ARHGAP22: variants seen among roughly 807,000 people sequenced by gnomAD.
The protein encoded by ARHGAP22 is rho GTPase-activating protein 22.
ARHGAP22 carries 48 observed loss-of-function variants against 59.1 expected under a neutral mutation model. The ratio of observed to expected loss-of-function variants is 0.81; its 90% confidence interval spans 0.64 to 1.03. The LOEUF is 1.03. Ranked by LOEUF, ARHGAP22 falls within the 50% of genes least tolerant of loss-of-function variation. The probability of loss-of-function intolerance (pLI) is 0.00; values close to 1 mark genes in which losing one functional copy is unlikely to be tolerated. For synonymous variants in ARHGAP22, 445 were observed against 416.4 expected, an observed-to-expected ratio of 1.07 and a Z score of -0.84; for missense variants, 1,015 against 958.7, an observed-to-expected ratio of 1.06 and a Z score of -0.78.
intron 3 of ARHGAP22, among the ~76,000 whole-genome samples, chr10:48,532,305 T>A (rs1309872567): frequency 6.6e-6 from 1 of 152,016 alleles, no homozygotes; most frequent in African/African-American, 2.4e-5. Context: ...GTGGTGAGGG[T>A]CTCATCTGGG....
intron 1 of ARHGAP22, among the ~76,000 whole-genome samples, chr10:48,596,948 C>T (rs907959089): frequency 1.3e-5 from 2 of 152,176 alleles, no homozygotes; most frequent in African/African-American, 4.8e-5. Context: ...TGTGCCACAC[C>T]TCCACCCCTG....
intron 3 of ARHGAP22, among the ~76,000 whole-genome samples, chr10:48,530,847 A>G (rs1266686913): frequency 6.7e-6 from 1 of 149,590 alleles, no homozygotes; most frequent in East Asian, 1.9e-4. Flanking sequence ...CAAAACCACT[A>G]TGGAAAACAG....
chr10:48,539,679 G>T (rs1300098244), intron 3 of ARHGAP22, among the ~76,000 whole-genome samples: 1 of 152,176 alleles, frequency 6.6e-6, no homozygotes, highest in South Asian at 2.1e-4. Flanking sequence ...TAATATTTTA[G>T]CTGAATTTTA....
At chr10:48,630,354 C>T (rs1036738411) in intron 1 of ARHGAP22, among the ~76,000 whole-genome samples, 5 of 152,214 alleles carry the variant, frequency 3.3e-5, no homozygotes, top group East Asian at 1.9e-4. Context: ...CCTCCCAAAG[C>T]GCTGGGATTA....
At chr10:48,538,912 A>G (rs1367982074) in intron 3 of ARHGAP22, among the ~76,000 whole-genome samples, 1 of 152,234 alleles carries the variant, frequency 6.6e-6, no homozygotes, top group Non-Finnish European at 1.5e-5. Flanking sequence ...AAATAAAACT[A>G]AAGCTCATGA....
chr10:48,614,966 T>G (rs2061025090), intron 1 of ARHGAP22, among the ~76,000 whole-genome samples: 1 of 152,226 alleles, frequency 6.6e-6, no homozygotes, highest in Non-Finnish European at 1.5e-5. Flanking sequence ...CAAAAACATT[T>G]AGAGGAAAAT....
intron 2 of ARHGAP22, among the ~76,000 whole-genome samples, chr10:48,582,054 T>C (rs2059151925): frequency 6.6e-6 from 1 of 152,192 alleles, no homozygotes; most frequent in African/African-American, 2.4e-5. Context: ...GAAAGGGACA[T>C]TTTCTCATGC....
chr10:48,464,932 G>A (rs928621885), intron 4 of ARHGAP22, among the ~76,000 whole-genome samples: 8 of 151,972 alleles, frequency 5.3e-5, no homozygotes, highest in Non-Finnish European at 8.8e-5. Flanking sequence ...GAGCTGTGAG[G>A]TCTCATTCCA....
intron 4 of ARHGAP22, among the ~76,000 whole-genome samples, chr10:48,463,088 C>T (rs2047310150): frequency 6.6e-6 from 1 of 152,184 alleles, no homozygotes; most frequent in South Asian, 2.1e-4. Context: ...TCTGGATTCC[C>T]AGCTTCTCTT....
At chr10:48,642,492 A>G (rs1470690090) in intron 1 of ARHGAP22, among the ~76,000 whole-genome samples, 1 of 152,232 alleles carries the variant, frequency 6.6e-6, no homozygotes, top group African/African-American at 2.4e-5. Flanking sequence ...TGGGGAAAGG[A>G]TTCCCTATTT....
rs1343082871 is a variant in ARHGAP22 at position 48,447,240 on chromosome 10, A to G, written c.1869-621T>C. The stretch of plus-strand genomic sequence containing the variant: ...ACGCTTCCATGCAGGCTCATGCTGC[A>G]GTGTGCCAAGGTTGGCATGGCCATC... On this transcript the variant is annotated intron_variant, in intron 9 of 9. Coordinates refer to ENST00000249601, the MANE Select transcript of ARHGAP22 (RefSeq NM_021226.4). Among the ~76,000 whole-genome samples the G allele has an allele frequency of 2.0e-5, 3 of 152,358 alleles. No individual in the cohort carries two copies. The South Asian group carries it at 6.2e-4, about 32-fold the overall frequency.
At chr10:48,545,609 G>A (rs7096053) in intron 3 of ARHGAP22, among the ~76,000 whole-genome samples, 38,866 of 152,130 alleles carry the variant, frequency 0.26, 5,340 homozygotes, top group African/African-American at 0.34. Context: ...CCACTCAGGC[G>A]GCGGCTAATG....
At chr10:48,655,095 T>C (rs373523649), upstream of ARHGAP22, among the ~76,000 whole-genome samples, 35 of 75,744 alleles carry the variant, frequency 4.6e-4, 3 homozygotes, top group African/African-American at 1.6e-3. Context: ...TTCTCTTCTC[T>C]TCTCTTCTCT....
intron 3 of ARHGAP22, among the ~76,000 whole-genome samples, chr10:48,544,657 T>C (rs2056271065): frequency 6.6e-6 from 1 of 152,260 alleles, no homozygotes; most frequent in African/African-American, 2.4e-5. Context: ...TATGTGACTC[T>C]ACTTTTCAAT....
Position 48,451,050 on chromosome 10 carries a change from G to C in ARHGAP22, c.1079C>G (p.Pro360Arg). 6.4e-7 allele frequency: 1 copy of C among 1,552,494 alleles called. No homozygotes were observed. Among genetic ancestry groups the C allele is most frequent in the Non-Finnish European group, 8.7e-7 (1 of 1,148,002 alleles). Residue 360 changes from proline (P) to arginine (R), a missense_variant, in exon 9 of 10, where the codon CCG becomes CGG. Pro to Arg is a moderately radical substitution (Grantham distance 103, BLOSUM62 -2). Coordinates refer to ENST00000249601, the MANE Select transcript of ARHGAP22 (RefSeq NM_021226.4). ...TAPVPEGPTS[P>R]RGGLQCAVGW... ...CACTGCGCATTGCAGGCCCCCGCGC[G>C]GGGAGGTGGGCCCTTCCGGGACCGG...
chr10:48,517,549 T>A (rs189289752), intron 3 of ARHGAP22, among the ~76,000 whole-genome samples: 90 of 152,246 alleles, frequency 5.9e-4, no homozygotes, highest in Non-Finnish European at 1.1e-3. Context: ...CCTCTGAAGC[T>A]CTCTAGGAGA....
chr10:48,450,808 T>C lies in ARHGAP22; in HGVS notation c.1321A>G (p.Ser441Gly). Residue 441 changes from serine (S) to glycine (G), a missense_variant, in exon 9 of 10, where the codon AGC becomes GGC. Physicochemically the swap from Ser to Gly is moderately conservative, Grantham distance 56. Coordinates refer to ENST00000249601, the MANE Select transcript of ARHGAP22 (RefSeq NM_021226.4). ...AGGGATGAGCCGCCCCCCTTCGGGC[T>C]TCCCGATAGGGACCTCGGCTGCCGG... ...SFRQPRSLSGSPKGGGSSLEV... is the reference protein window; with the variant it reads ...SFRQPRSLSGGPKGGGSSLEV... 6.3e-7 allele frequency: 1 copy of C among 1,580,226 alleles called. No individual in the cohort carries two copies. Among genetic ancestry groups the C allele is most frequent in the Non-Finnish European group, 8.6e-7 (1 of 1,163,774 alleles).
chr10:48,510,579 G>T (rs1468483932), intron 3 of ARHGAP22: 1 of 152,220 alleles, frequency 6.6e-6, no homozygotes, highest in African/African-American at 2.4e-5. Context: ...CCTCATCCTT[G>T]TCTTGAGTAA....
Position 48,528,703 on chromosome 10 carries a change from A to G in ARHGAP22, c.322+26760T>C, listed in dbSNP as rs553910720. Among the ~76,000 whole-genome samples the G allele has an allele frequency of 6.6e-5, 10 of 152,158 alleles. No individual in the cohort carries two copies. The East Asian group carries it at 1.4e-3, about 21-fold the overall frequency. The stretch of plus-strand genomic sequence containing the variant: ...GGGAGGTATTTGGGTCATGGGGCTG[A>G]TTCTTTATGAATGGCCTGGTGCCAT... On this transcript the variant is annotated intron_variant, in intron 3 of 9. Coordinates refer to ENST00000249601, the MANE Select transcript of ARHGAP22 (RefSeq NM_021226.4).
Sources: gnomAD v4.1 joint callset for allele counts (sites outside exome capture counted in the v4.1 genomes callset) on GRCh38, gnomAD v4.1.1 for gene constraint, MANE v1.5 for transcripts, NCBI Gene and HGNC (gene_info 2026-07-23, HGNC 2026-07-21) for gene names.